Variants in COL21A1 observed in about 807,000 individuals in gnomAD.
COL21A1 encodes collagen alpha-1(XXI) chain.
Under a neutral mutation model 137.9 loss-of-function variants are expected in COL21A1, and 149 were observed. That is an observed-to-expected ratio of 1.08 (90% CI 0.95 to 1.24). The LOEUF is 1.24. Among genes scored for constraint, COL21A1 ranks in the 50% most tolerant of loss-of-function variants. COL21A1 has a pLI of 0.00. For synonymous variants in COL21A1, 456 were observed against 391.5 expected (o/e 1.16, Z -1.95); for missense variants, 1,167 against 1,158.4 (o/e 1.01, Z -0.11).
intron 17 of COL21A1, among the ~76,000 whole-genome samples, chr6:56,088,466 G>A (rs1223006729): frequency 6.6e-6 from 1 of 152,128 alleles, no homozygotes; most frequent in Non-Finnish European, 1.5e-5. Flanking sequence ...TTCAATATGA[G>A]ACAAAAAGGA....
At chr6:56,170,618 A>C (rs1411221018) in intron 5 of COL21A1, 31 bp downstream of exon 5, 1 of 1,463,180 alleles carries the variant, frequency 6.8e-7, no homozygotes, top group African/African-American at 1.4e-5. Flanking sequence ...CATGAATATC[A>C]TAATCATGGT....
intron 1 of COL21A1, among the ~76,000 whole-genome samples, chr6:56,218,853 G>T (rs1323106015): frequency 6.6e-6 from 1 of 151,986 alleles, no homozygotes. Context: ...GGAGCATAGT[G>T]GCCAGCCATC....
intron 9 of COL21A1, among the ~76,000 whole-genome samples, chr6:56,161,307 G>A (rs868395514): frequency 2.0e-5 from 3 of 152,158 alleles, no homozygotes; most frequent in South Asian, 2.1e-4. Context: ...AACGTTTCAG[G>A]TTAGAGCAAA....
intron 24 of COL21A1, among the ~76,000 whole-genome samples, chr6:56,062,964 G>A (rs1360194598): frequency 5.3e-5 from 8 of 152,086 alleles, no homozygotes; most frequent in East Asian, 3.9e-4. Flanking sequence ...TTCACAAAAC[G>A]AGGGCCAAAA....
chr6:56,116,841 C>A (rs746660131), intron 16 of COL21A1, among the ~76,000 whole-genome samples: 3 of 151,888 alleles, frequency 2.0e-5, no homozygotes, highest in Non-Finnish European at 4.4e-5. Context: ...TATTAGTTTT[C>A]TTTTTGCTTG....
At chr6:56,099,127 G>A (rs921767177) in intron 17 of COL21A1, among the ~76,000 whole-genome samples, 4 of 151,550 alleles carry the variant, frequency 2.6e-5, no homozygotes, top group Non-Finnish European at 4.4e-5. Flanking sequence ...CAGACTTGCC[G>A]GTCAGTCTGC....
At chr6:56,273,907 T>C (rs1225867514) in intron 1 of COL21A1, among the ~76,000 whole-genome samples, 3 of 151,962 alleles carry the variant, frequency 2.0e-5, no homozygotes, top group African/African-American at 2.4e-5. Context: ...GATACAAAAA[T>C]TTGACAGAGA....
chr6:56,087,405 G>A (rs1443614102), intron 17 of COL21A1, among the ~76,000 whole-genome samples: 1 of 152,070 alleles, frequency 6.6e-6, no homozygotes, highest in African/African-American at 2.4e-5. Flanking sequence ...TTGTCTTAGG[G>A]GGCAAGTAGA....
intron 23 of COL21A1, among the ~76,000 whole-genome samples, chr6:56,066,433 A>C (rs1766256347): frequency 6.6e-6 from 1 of 151,894 alleles, no homozygotes; most frequent in Non-Finnish European, 1.5e-5. Flanking sequence ...ATTTGTGGAA[A>C]TGTCCAGAGT....
intron 1 of COL21A1, among the ~76,000 whole-genome samples, chr6:56,381,756 T>C (rs2094009018): frequency 6.6e-6 from 1 of 152,190 alleles, no homozygotes; most frequent in Non-Finnish European, 1.5e-5. Context: ...TAAGGAATGT[T>C]TTGTCAATTA....
intron 1 of COL21A1, among the ~76,000 whole-genome samples, chr6:56,205,950 A>G (rs1342294184): frequency 6.6e-6 from 1 of 152,184 alleles, no homozygotes; most frequent in African/African-American, 2.4e-5. Context: ...TTTTATCACC[A>G]CCAGGCCTGC....
At chr6:56,158,266 C>CTTTTTTTTTTTTTTTTTTTTTTT (rs67453245) in intron 9 of COL21A1, among the ~76,000 whole-genome samples, 2 of 62,406 alleles carry the variant, frequency 3.2e-5, no homozygotes, top group Non-Finnish European at 5.6e-5. Flanking sequence ...TTTTTTTTTT[C>CTTTTTTTTTTTTTTTTTTTTTTT]TTTTTTTTTT....
chr6:56,219,859 C>T (rs1168109392), intron 1 of COL21A1, among the ~76,000 whole-genome samples: 1 of 152,060 alleles, frequency 6.6e-6, no homozygotes, highest in Non-Finnish European at 1.5e-5. Context: ...GCCTGATTTA[C>T]TGAATACCTC....
At chr6:56,319,268 T>C (rs976158322) in intron 1 of COL21A1, among the ~76,000 whole-genome samples, 3 of 152,074 alleles carry the variant, frequency 2.0e-5, no homozygotes, top group African/African-American at 7.2e-5. Context: ...ACCTGTCTGG[T>C]AGGCAGAGTC....
At chr6:56,112,073 T>C (rs1771478170) in intron 16 of COL21A1, among the ~76,000 whole-genome samples, 1 of 152,078 alleles carries the variant, frequency 6.6e-6, no homozygotes, top group African/African-American at 2.4e-5. Context: ...GACTGCGTTG[T>C]TGAGGAAAGA....
At chr6:56,376,026 G>C (rs1455768907) in intron 1 of COL21A1, among the ~76,000 whole-genome samples, 1 of 152,202 alleles carries the variant, frequency 6.6e-6, no homozygotes, top group East Asian at 1.9e-4. Context: ...AGAGCTGCGG[G>C]TAGCTGACGT....
chr6:56,085,728 T>A (rs1254929900), intron 17 of COL21A1, among the ~76,000 whole-genome samples: 1 of 151,920 alleles, frequency 6.6e-6, no homozygotes, highest in African/African-American at 2.4e-5. Flanking sequence ...TTCTTGGGCT[T>A]TGACCCCAAA....
chr6:56,182,260 G>T (rs1777958607), intron 2 of COL21A1, among the ~76,000 whole-genome samples: 1 of 152,082 alleles, frequency 6.6e-6, no homozygotes, highest in Non-Finnish European at 1.5e-5. Context: ...CAGTTCAAAA[G>T]TGGCTGAACA....
At chr6:56,079,443 C>T (rs1279333435) in intron 17 of COL21A1, among the ~76,000 whole-genome samples, 1 of 151,742 alleles carries the variant, frequency 6.6e-6, no homozygotes, top group Non-Finnish European at 1.5e-5. Flanking sequence ...TTACAGATAT[C>T]CTGAAGACAA....
Sources: allele counts gnomAD v4.1 joint callset (sites outside exome capture counted in the v4.1 genomes callset), GRCh38; gene constraint gnomAD v4.1.1; transcripts MANE v1.5; gene names NCBI Gene and HGNC (gene_info 2026-07-23, HGNC 2026-07-21).